DRC12: variants seen among roughly 807,000 people sequenced by gnomAD.
The protein encoded by DRC12 is dynein regulatory complex subunit 12 homolog, also known as dynein regulatory complex protein 12.
chr11:119,190,551 G>T, the DRC12 span: 1 of 1,563,896 alleles, frequency 6.4e-7, no homozygotes. This position sits in a 1 kb window ranked among gnomAD's most constrained non-coding sequence, Gnocchi z 4.2. Context: ...AGTAGACATG[G>T]TCGTATCCCC....
At chr11:119,193,676 CCTT>C in the DRC12 span, 5 of 1,518,540 alleles carry the variant, frequency 3.3e-6, no homozygotes, top group Non-Finnish European at 3.5e-6. Flanking sequence ...CGGAAGCCCT[CCTT>C]GTTTCCCTTC....
the DRC12 span, chr11:119,190,622 G>A: frequency 6.4e-7 from 1 of 1,566,498 alleles, no homozygotes; most frequent in Non-Finnish European, 8.7e-7. This position sits in a 1 kb window ranked among gnomAD's most constrained non-coding sequence, Gnocchi z 4.2. Flanking sequence ...CTTAACCCTG[G>A]GTTGTCAGTC....
At chr11:119,195,339 G>A in the DRC12 span, 2 of 1,259,684 alleles carry the variant, frequency 1.6e-6, no homozygotes, top group Non-Finnish European at 1.1e-6. Context: ...CCTGCAGAAG[G>A]CTGAATTCTC....
the DRC12 span, chr11:119,195,741 G>A: frequency 8.7e-6 from 4 of 461,898 alleles, no homozygotes; most frequent in Non-Finnish European, 1.5e-5. Context: ...TTAGAGAAAC[G>A]AAATCCCTGT....
chr11:119,193,172 T>G, the DRC12 span: 1 of 1,614,184 alleles, frequency 6.2e-7, no homozygotes. Flanking sequence ...CGAAGGCCTT[T>G]GACTTCTTCC....
At chr11:119,191,152 T>G in the DRC12 span, among the ~76,000 whole-genome samples, 1 of 150,644 alleles carries the variant, frequency 6.6e-6, no homozygotes, top group East Asian at 2.0e-4. Context: ...CAGGCTGGAG[T>G]GCAGTGGCGC....
chr11:119,191,323 C>T, the DRC12 span, among the ~76,000 whole-genome samples: 3 of 151,772 alleles, frequency 2.0e-5, no homozygotes, highest in African/African-American at 7.3e-5. Context: ...TGGTCCCTAT[C>T]TCTTAACCTT....
At chr11:119,193,713 T>A in the DRC12 span, 1 of 1,543,994 alleles carries the variant, frequency 6.5e-7, no homozygotes, top group Non-Finnish European at 8.8e-7. Context: ...ACCCTGTTGG[T>A]TGTCCTCCTC....
At chr11:119,191,024 C>A in the DRC12 span, among the ~76,000 whole-genome samples, 1 of 152,060 alleles carries the variant, frequency 6.6e-6, no homozygotes, top group African/African-American at 2.4e-5. Context: ...GAGTGGCGGG[C>A]TTGAGATAGA....
At chr11:119,195,301 G>C in the DRC12 span, 9 of 856,812 alleles carry the variant, frequency 1.1e-5, no homozygotes, top group African/African-American at 1.5e-4. Context: ...GGACATGAAA[G>C]AGGTAGGTCA....
At chr11:119,193,772 A>G in the DRC12 span, 2 of 1,551,496 alleles carry the variant, frequency 1.3e-6, no homozygotes, top group African/African-American at 2.7e-5. Context: ...ACACCTGCAT[A>G]TATGGCCTTC....
chr11:119,191,840 AAAC>A, the DRC12 span, among the ~76,000 whole-genome samples: 3 of 152,048 alleles, frequency 2.0e-5, no homozygotes, highest in African/African-American at 7.2e-5. Context: ...AAAATCCCCA[AAAC>A]AACAACAGCA....
chr11:119,194,515 CAA>C, the DRC12 span, among the ~76,000 whole-genome samples: 3 of 27,494 alleles, frequency 1.1e-4, no homozygotes, highest in African/African-American at 3.8e-4. Context: ...GACTCTGTCT[CAA>C]AAAAAAAAAA....
At chr11:119,193,026 T>C in the DRC12 span, 7 of 817,142 alleles carry the variant, frequency 8.6e-6, no homozygotes, top group Non-Finnish European at 1.5e-5. Flanking sequence ...TCAGCGAAAG[T>C]GGGGAAAGTG....
chr11:119,190,311 G>C, the DRC12 span: 1 of 1,614,148 alleles, frequency 6.2e-7, no homozygotes, highest in African/African-American at 1.3e-5. This position sits in a 1 kb window ranked among gnomAD's most constrained non-coding sequence, Gnocchi z 4.2. Context: ...TAGAGACTAG[G>C]GGCTGGTGGC....
the DRC12 span, among the ~76,000 whole-genome samples, chr11:119,191,545 G>A: frequency 1.6e-4 from 24 of 151,888 alleles, no homozygotes; most frequent in Non-Finnish European, 2.4e-4. Flanking sequence ...GGTGGCTCAC[G>A]CCTGTAATCC....
At chr11:119,194,926 AGT>A in the DRC12 span, 10 of 1,550,880 alleles carry the variant, frequency 6.4e-6, no homozygotes, top group Middle Eastern at 5.0e-4. Context: ...TCCTTACCCA[AGT>A]GGTCTCGGAG....
At chr11:119,195,547 T>C in the DRC12 span, 1 of 1,333,206 alleles carries the variant, frequency 7.5e-7, no homozygotes, top group African/African-American at 1.5e-5. Flanking sequence ...ACAGGGATGC[T>C]TTCCTGAGCT....
At chr11:119,193,684 C>T in the DRC12 span, 224,415 of 1,523,634 alleles carry the variant, frequency 0.15, 18,593 homozygotes, top group Non-Finnish European at 0.17. Context: ...CTCCTTGTTT[C>T]CCTTCCTTGC....
Sources: gnomAD v4.1 joint callset for allele counts (sites outside exome capture counted in the v4.1 genomes callset) on GRCh38, gnomAD v4.1.1 for gene constraint, Gnocchi (gnomAD v3.1) non-coding constraint, MANE v1.5 for transcripts, NCBI Gene and HGNC (gene_info 2026-07-23, HGNC 2026-07-21) for gene names.